Variants in CPT1C observed in about 807,000 individuals in gnomAD.
The protein encoded by CPT1C is palmitoyl thioesterase CPT1C.
CPT1C carries 61 observed loss-of-function variants against 97.3 expected under a neutral mutation model. That is an observed-to-expected ratio of 0.63 (90% CI 0.51 to 0.78). CPT1C has a LOEUF of 0.78. Among genes scored for constraint, CPT1C ranks in the 30% least tolerant of loss-of-function variants. CPT1C has a pLI of 0.00. For synonymous variants in CPT1C, 469 were observed against 447.2 expected (o/e 1.05, Z -0.61); for missense variants, 975 against 1,065.5 (o/e 0.92, Z 1.18).
In CPT1C at chr19:49,711,895, C is replaced by T; in HGVS notation, c.1953C>T (p.Asp651=). 1 of 1,614,172 alleles carries T rather than the reference C, an allele frequency of 6.2e-7. No individual in the cohort carries two copies. The highest frequency in any genetic ancestry group is 1.1e-5 in the South Asian group (1 of 91,088). ...CAGCCATGAGCGGGCAGGGAGTTGA[C>T]CGCCACCTGTTTGCGCTGTACATCG... The part of the protein sequence containing the change: ...LKAAMSGQGV[D]RHLFALYIVS... Residue 651 remains aspartate (D), a synonymous_variant, in exon 17 of 20, where the codon GAC becomes GAT. Transcript: ENST00000598293.
intron 17 of CPT1C, chr19:49,712,173 T>C: frequency 1.8e-6 from 1 of 564,730 alleles, no homozygotes; most frequent in East Asian, 3.3e-5. Context: ...CGAAACCCTG[T>C]CTCTACTAAA....
At chr19:49,709,855 A>ATTT (rs60267364) in intron 14 of CPT1C, among the ~76,000 whole-genome samples, 5 of 117,920 alleles carry the variant, frequency 4.2e-5, no homozygotes, top group South Asian at 2.6e-4. Context: ...CGCGCCCGGC[A>ATTT]TTTTTTTTTT....
chr19:49,710,943 A>G, intron 16 of CPT1C, 86 bp downstream of exon 16: 1 of 1,417,442 alleles, frequency 7.1e-7, no homozygotes, highest in Non-Finnish European at 9.6e-7. Flanking sequence ...TACTGAAGCC[A>G]GCCTCCACGA....
chr19:49,695,504 C>A (rs976725388), intron 3 of CPT1C, among the ~76,000 whole-genome samples: 3 of 150,928 alleles, frequency 2.0e-5, no homozygotes, highest in African/African-American at 4.9e-5. Context: ...AGGATGATCT[C>A]GAACTCCTGA....
intron 3 of CPT1C, among the ~76,000 whole-genome samples, chr19:49,695,266 G>C (rs1600016965): frequency 6.8e-6 from 1 of 147,400 alleles, no homozygotes; most frequent in Admixed American, 6.8e-5. Context: ...ATTACATGGA[G>C]AAAAATGCAC....
Position 49,713,539 on chromosome 19 carries a change from C to T in CPT1C, c.2346C>T (p.His782=), listed in dbSNP as rs776645745. 2 of 1,614,208 alleles carry T rather than the reference C, an allele frequency of 1.2e-6. No homozygotes were observed. Among genetic ancestry groups the T allele is most frequent in the Non-Finnish European group, 1.7e-6 (2 of 1,180,038 alleles). Residue 782 remains histidine, a synonymous_variant, in exon 20 of 20, where the codon CAC becomes CAT. Coordinates refer to ENST00000598293, the MANE Select transcript of CPT1C (RefSeq NM_001199753.2). The stretch of plus-strand genomic sequence containing the variant: ...GGTCAGGGAAGGAGAACTCCAGGCA[C>T]AGGTGTGGATTTCTCTCCCGCCAGA... ...FRGSGKENSR[H]RCGFLSRQTG... is the part of the protein sequence containing the mutation.
At position 49,710,345 on chromosome 19, in the gene CPT1C, T is replaced by C; in HGVS notation, c.1592T>C (p.Leu531Pro). ...ATCCACTCCTCCATCTCTCTAGCCC[T>C]GAGGGGAGCCAAGATCTTGTCTGAA... ...DQIHSSISLA[L>P]RGAKILSENV... The change falls in exon 15 of 20, where the codon CTG becomes CCG. Residue 531 changes from leucine (L) to proline (P), a missense_variant. Leu to Pro is a moderately conservative substitution (Grantham distance 98). This residue lies in a region of CPT1C where 344 missense variants were observed against 395.7 expected (regional missense o/e 0.87). Coordinates refer to ENST00000598293, the MANE Select transcript of CPT1C (RefSeq NM_001199753.2). 1.2e-6 allele frequency: 2 copies of C among 1,614,214 alleles called. No individual in the cohort carries two copies. Among genetic ancestry groups the C allele is most frequent in the Non-Finnish European group, 1.7e-6 (2 of 1,180,026 alleles).
chr19:49,711,028 C>A, intron 16 of CPT1C, 171 bp downstream of exon 16: 1 of 621,778 alleles, frequency 1.6e-6, no homozygotes. Context: ...GGAGACAGCC[C>A]AGCATAGTGT....
chr19:49,705,388 AC>A (rs1476066144), intron 10 of CPT1C, 90 bp downstream of exon 10: 2 of 1,108,920 alleles, frequency 1.8e-6, no homozygotes, highest in Admixed American at 4.6e-5. Flanking sequence ...TGAGCTGGGA[AC>A]CATTGCTTCC....
At chr19:49,709,182 C>G (rs1029413478) in intron 14 of CPT1C, among the ~76,000 whole-genome samples, 1 of 151,848 alleles carries the variant, frequency 6.6e-6, no homozygotes, top group Non-Finnish European at 1.5e-5. Flanking sequence ...ATACCCAATC[C>G]CATCCCAACA....
In CPT1C at chr19:49,697,237, T is replaced by C; in HGVS notation, c.142-89T>C. 3.9e-6 allele frequency: 6 copies of C among 1,553,972 alleles called. No individual in the cohort carries two copies. In the South Asian group the frequency reaches 6.7e-5, roughly 17 times the overall value. On this transcript the variant is annotated intron_variant, in intron 3 of 19. Coordinates refer to ENST00000598293, the MANE Select transcript of CPT1C (RefSeq NM_001199753.2). ...GAGCCTCCAGCTCAGGGCTCCGCACTGGGTGCTCAGTAATGTCTGGGGATG... is the reference window on the plus strand; with the variant it reads ...GAGCCTCCAGCTCAGGGCTCCGCACCGGGTGCTCAGTAATGTCTGGGGATG...
At chr19:49,702,114 T>TTATAATTTATAAATAAATATA (rs2083189903) in intron 7 of CPT1C, among the ~76,000 whole-genome samples, 1 of 12,144 alleles carries the variant, frequency 8.2e-5, no homozygotes, top group African/African-American at 4.6e-4. Context: ...AAATATATAT[T>TTATAATTTATAAATAAATATA]TATTTATTTA....
intron 16 of CPT1C, chr19:49,711,522 C>A (rs978287927): frequency 2.2e-6 from 1 of 450,554 alleles, no homozygotes; most frequent in Non-Finnish European, 4.0e-6. Flanking sequence ...ACCTCTTCTC[C>A]CTTGCCCTAC....
chr19:49,711,727 G>T, intron 16 of CPT1C, 82 bp from the exon 17 acceptor site: 1 of 1,446,534 alleles, frequency 6.9e-7, no homozygotes, highest in East Asian at 2.3e-5. Flanking sequence ...GGCAAACTCA[G>T]TTGAGGCCAG....
intron 3 of CPT1C, among the ~76,000 whole-genome samples, chr19:49,695,903 C>A (rs904340957): frequency 6.7e-5 from 10 of 149,822 alleles, no homozygotes; most frequent in Non-Finnish European, 1.2e-4. Flanking sequence ...CAGCGTCTCA[C>A]TCTGTTGCTG....
rs375366997 is a variant in CPT1C at position 49,703,237 on chromosome 19, TCTCA to T, written c.694-1469_694-1466del. 7.3e-3 allele frequency among the ~76,000 whole-genome samples: 1,098 copies of T among 150,946 alleles called. 18 individuals carry two copies. Among genetic ancestry groups the T allele is most frequent in the African/African-American group, 0.025 (1,034 of 40,996 alleles). On this transcript the variant is annotated intron_variant, in intron 7 of 19. Coordinates refer to ENST00000598293, the MANE Select transcript of CPT1C (RefSeq NM_001199753.2). Reference sequence around the variant, plus strand: ...CTTCCTTTTTTTCTTTGAGATGGAGTCTCACTCTGTCGCCCAGGCTGTAGTGCAC... The same window carrying T: ...CTTCCTTTTTTTCTTTGAGATGGAGTCTCTGTCGCCCAGGCTGTAGTGCAC...
chr19:49,694,080 AAAATAAAAAAT>A (rs376852792), intron 3 of CPT1C, among the ~76,000 whole-genome samples: 18,320 of 145,104 alleles, frequency 0.13, 1,265 homozygotes, highest in Middle Eastern at 0.22. Flanking sequence ...AAAATAAAAT[AAAATAAAAAAT>A]AAATAAATAA....
intron 10 of CPT1C, among the ~76,000 whole-genome samples, chr19:49,705,708 T>G (rs2083460222): frequency 6.6e-6 from 1 of 152,032 alleles, no homozygotes. Context: ...TGCAGTGAGC[T>G]GAGATCTCAC....
chr19:49,694,463 T>C (rs1192367127), intron 3 of CPT1C, among the ~76,000 whole-genome samples: 1 of 151,884 alleles, frequency 6.6e-6, no homozygotes, highest in Non-Finnish European at 1.5e-5. Context: ...ACCCCATCTC[T>C]ACTAAAAATA....
Sources: gnomAD v4.1 joint callset for allele counts (sites outside exome capture counted in the v4.1 genomes callset) on GRCh38, gnomAD v4.1.1 for gene constraint, gnomAD v4.1.1 regional missense constraint, MANE v1.5 for transcripts, NCBI Gene and HGNC (gene_info 2026-07-23, HGNC 2026-07-21) for gene names.